The following PSMC1 variants were observed in gnomAD, a reference collection of about 807,000 sequenced individuals.
PSMC1 encodes the protein proteasome 26S subunit, ATPase 1.
A neutral mutation model predicts 49.8 loss-of-function variants in PSMC1; 5 were observed. That is an observed-to-expected ratio of 0.10 (90% confidence interval 0.05 to 0.21). PSMC1 has a LOEUF of 0.21. Ranked by LOEUF, PSMC1 falls within the 10% of genes least tolerant of loss-of-function variation. PSMC1 has a pLI of 1.00. For missense variants in PSMC1, 181 were observed against 535.7 expected (o/e 0.34, Z 6.54); for synonymous variants, 155 against 192.1 (o/e 0.81, Z 1.60).
chr14:90,263,772 A>G lies in PSMC1; in HGVS notation c.390A>G (p.Glu130=), dbSNP rs781097574. The G allele has an allele frequency of 1.2e-6, 2 of 1,613,822 alleles. No individual in the cohort carries two copies. The highest frequency in any genetic ancestry group is 1.7e-6 in the Non-Finnish European group (2 of 1,179,674). Residue 130 remains glutamate (E), a synonymous_variant, in exon 5 of 11, where the codon GAA becomes GAG. Transcript: ENST00000261303. ...HAIVSTSVGS[E]HYVSILSFVD... is the part of the protein sequence containing the mutation. ...TCGTGTCTACATCTGTGGGCTCAGA[A>G]CACTACGTCAGCATTCTTTCATTTG...
At chr14:90,265,928 C>T (rs1891501515) in intron 7 of PSMC1, among the ~76,000 whole-genome samples, 1 of 151,908 alleles carries the variant, frequency 6.6e-6, no homozygotes, top group Non-Finnish European at 1.5e-5. Flanking sequence ...TGGAGTATGG[C>T]CAAGCCTAGG....
At chr14:90,268,609 T>C (rs11628952) in intron 8 of PSMC1, 196 bp downstream of exon 8, 209,220 of 568,142 alleles carry the variant, frequency 0.37, 41,613 homozygotes, top group East Asian at 0.51. Context: ...TCTGGAGAGA[T>C]TGGTCAGTTA....
chr14:90,271,785 T>G (rs1466977441), intron 10 of PSMC1: 2 of 153,312 alleles, frequency 1.3e-5, no homozygotes, highest in East Asian at 3.9e-4. Context: ...CCACTTCACA[T>G]CCTTTCAGAA....
rs970371642 is a variant in PSMC1 at position 90,274,567 on chromosome 14, A to T, written c.*2160A>T. ...AAAAGTATTATTCTCCACTAAAAGG[A>T]GTGAGGGCTGATTCCGGGGCTAGGC... On this transcript the variant is annotated 3_prime_UTR_variant, in exon 11 of 11. Transcript: ENST00000261303. 6.6e-6 allele frequency: 1 copy of T among 152,168 alleles called. No homozygotes were observed. The highest frequency in any genetic ancestry group is 2.4e-5 in the African/African-American group (1 of 41,402). 9.4% of individuals were successfully genotyped at this position (152,168 alleles called of 1,614,324 possible).
chr14:90,260,600 C>T (rs1245805022), intron 3 of PSMC1, among the ~76,000 whole-genome samples: 4 of 152,060 alleles, frequency 2.6e-5, no homozygotes, highest in Non-Finnish European at 4.4e-5. Flanking sequence ...GGCGTGGTGG[C>T]GGGTGCCTGT....
intron 1 of PSMC1, among the ~76,000 whole-genome samples, chr14:90,258,770 T>G (rs1277936008): frequency 1.3e-5 from 2 of 152,252 alleles, no homozygotes; most frequent in Non-Finnish European, 2.9e-5. Context: ...TAGCCTGATT[T>G]TATGGAATAC....
chr14:90,259,611 C>T (rs1328127050), intron 2 of PSMC1, among the ~76,000 whole-genome samples: 3 of 147,326 alleles, frequency 2.0e-5, no homozygotes, highest in Admixed American at 7.1e-5. Flanking sequence ...TATGGTAAAA[C>T]GATTACATTT....
chr14:90,260,332 G>A (rs11844225), intron 3 of PSMC1, 121 bp downstream of exon 3: 399,627 of 681,852 alleles, frequency 0.59, 118,895 homozygotes, highest in Middle Eastern at 0.69. Context: ...CTCTAGCTTT[G>A]TGATTCATTT....
intron 5 of PSMC1, 31 bp downstream of exon 5, chr14:90,263,878 C>G: frequency 6.2e-7 from 1 of 1,611,382 alleles, no homozygotes. Flanking sequence ...AGAAAGCCCA[C>G]GGAAGTGCTT....
chr14:90,272,866 TG>T lies in PSMC1; in HGVS notation c.*461del, dbSNP rs756988516. ...TTAAATAATAAAGGCTGCGTTAATG[TG>T]GCTATTGCTTCCAAAGGAAGTACAG... On this transcript the variant is annotated 3_prime_UTR_variant, in exon 11 of 11. Transcript: ENST00000261303. The surrounding 1 kb of genome is among the most constrained non-coding windows in gnomAD (Gnocchi z 4.5). 3.7e-3 allele frequency: 568 copies of T among 153,250 alleles called. 2 individuals carry two copies. Among genetic ancestry groups the T allele is most frequent in the African/African-American group, 0.013 (532 of 41,584 alleles). The allele number at this position is 153,250 out of a possible 1,614,324, so 9.5% of individuals were successfully genotyped here. A position where few individuals can be genotyped will look rare whatever the true frequency, so the allele number is the denominator to read the frequency against.
At chr14:90,265,440 C>T (rs1891486800) in intron 7 of PSMC1, among the ~76,000 whole-genome samples, 1 of 151,860 alleles carries the variant, frequency 6.6e-6, no homozygotes, top group Non-Finnish European at 1.5e-5. Context: ...CCTGTAATCC[C>T]AGTACTTTGG....
At chr14:90,265,675 C>T (rs1194875041) in intron 7 of PSMC1, among the ~76,000 whole-genome samples, 9 of 126,330 alleles carry the variant, frequency 7.1e-5, no homozygotes, top group African/African-American at 1.9e-4. Flanking sequence ...GGTGACAGAG[C>T]GAGACTACAT....
intron 7 of PSMC1, among the ~76,000 whole-genome samples, chr14:90,265,782 C>G (rs1238108366): frequency 6.6e-6 from 1 of 151,670 alleles, no homozygotes; most frequent in Non-Finnish European, 1.5e-5. Context: ...TCACTTGAGC[C>G]CTGGAGGTTG....
Position 90,269,512 on chromosome 14 carries a change from C to T in PSMC1, c.997C>T (p.Arg333Ter), listed in dbSNP as rs1279695518. 1.9e-6 allele frequency: 3 copies of T among 1,613,726 alleles called. No individual in the cohort carries two copies. Among genetic ancestry groups the T allele is most frequent in the Admixed American group, 1.7e-5 (1 of 59,980 alleles). Residue 333 changes from arginine to a stop codon, truncating the protein, a stop_gained, in exon 9 of 11, where the codon CGA becomes TGA. Transcript: ENST00000261303. LOFTEE classifies it high-confidence loss of function. ...TGTGAAAGTTATCATGGCCACAAAC[C>T]GAATAGAAACTTTGGATCCAGCACT... Reference protein sequence around the residue: ...GDVKVIMATNRIETLDPALIR... With the variant: ...GDVKVIMATN
At chr14:90,256,805 G>A (rs954793250) in intron 1 of PSMC1, among the ~76,000 whole-genome samples, 1 of 152,210 alleles carries the variant, frequency 6.6e-6, no homozygotes, top group Admixed American at 6.5e-5. Context: ...GCCTTGCCCG[G>A]GGATCCTGGG....
Position 90,272,497 on chromosome 14 carries a change from G to C in PSMC1, c.*90G>C. The C allele has an allele frequency of 1.2e-6, 1 of 862,360 alleles. No individual in the cohort carries two copies. Among genetic ancestry groups the C allele is most frequent in the South Asian group, 1.9e-5 (1 of 53,996 alleles). The allele number at this position is 862,360 out of a possible 1,614,324, so 53.4% of individuals were successfully genotyped here. A position where few individuals can be genotyped will look rare whatever the true frequency, so the allele number is the denominator to read the frequency against. On this transcript the variant is annotated 3_prime_UTR_variant, in exon 11 of 11. Transcript: ENST00000261303. This position sits in a 1 kb window ranked among gnomAD's most constrained non-coding sequence, Gnocchi z 4.5. ...GGGGGAGTTGCCCAGAGGAATCCCT[G>C]TTCCCACTGATTTTTATTAGCAAAA...
intron 4 of PSMC1, 78 bp from the exon 5 acceptor site, chr14:90,263,584 T>G (rs898830539): frequency 6.5e-7 from 1 of 1,531,438 alleles, no homozygotes; most frequent in South Asian, 1.2e-5. Flanking sequence ...ATCGGCTGCT[T>G]TGTAAATCTA....
Position 90,274,999 on chromosome 14 carries a change from A to T in PSMC1, c.*2592A>T, listed in dbSNP as rs1246990811. The T allele has an allele frequency of 2.6e-5, 4 of 152,256 alleles. No homozygotes were observed. Among genetic ancestry groups the T allele is most frequent in the African/African-American group, 9.7e-5 (4 of 41,442 alleles). 9.4% of individuals were successfully genotyped at this position (152,256 alleles called of 1,614,324 possible). On this transcript the variant is annotated 3_prime_UTR_variant, in exon 11 of 11. Transcript: ENST00000261303. ...AAGTGGTCAAATGCACATCATCAGTAATGGGCACTTTGAAAGTACGTGCCA... is the reference window on the plus strand; with the variant it reads ...AAGTGGTCAAATGCACATCATCAGTTATGGGCACTTTGAAAGTACGTGCCA...
intron 3 of PSMC1, among the ~76,000 whole-genome samples, chr14:90,262,138 G>A (rs187537661): frequency 0.53 from 62,085 of 117,230 alleles, 16,871 homozygotes; most frequent in Middle Eastern, 0.72. Flanking sequence ...ATCACACACT[G>A]GGGCCTGTCG....
Sources: gnomAD v4.1 joint callset for allele counts (sites outside exome capture counted in the v4.1 genomes callset) on GRCh38, gnomAD v4.1.1 for gene constraint, Gnocchi (gnomAD v3.1) non-coding constraint, MANE v1.5 for transcripts, NCBI Gene and HGNC (gene_info 2026-07-23, HGNC 2026-07-21) for gene names.